The following CAMK1G variants were observed in gnomAD, a reference collection of about 807,000 sequenced individuals.
The protein encoded by CAMK1G is calcium/calmodulin-dependent protein kinase type 1G.
Under a neutral mutation model 54.8 loss-of-function variants are expected in CAMK1G, and 27 were observed. That is an observed-to-expected ratio of 0.49 (90% CI 0.36 to 0.68). The LOEUF (loss-of-function observed/expected upper bound fraction) is 0.68. Ranked by LOEUF, CAMK1G falls within the 30% of genes least tolerant of loss-of-function variation. The pLI, the probability that CAMK1G is intolerant of heterozygous loss-of-function variation, is 0.00. For synonymous variants in CAMK1G, 238 were observed against 224.9 expected, an observed-to-expected ratio of 1.06 and a Z score of -0.52; for missense variants, 512 against 591.0, an observed-to-expected ratio of 0.87 and a Z score of 1.39.
chr1:209,591,902 C>A (rs1439556761), intron 1 of CAMK1G, among the ~76,000 whole-genome samples: 1 of 152,190 alleles, frequency 6.6e-6, no homozygotes, highest in Non-Finnish European at 1.5e-5. Context: ...TCACCAACCC[C>A]AGCCAGCTGG....
chr1:209,598,659 T>C (rs964407713), intron 2 of CAMK1G, among the ~76,000 whole-genome samples: 4 of 152,352 alleles, frequency 2.6e-5, no homozygotes, highest in Admixed American at 6.5e-5. Flanking sequence ...GCATGTCAGA[T>C]ACAACTGCCA....
At position 209,599,970 on chromosome 1, in the gene CAMK1G, G is replaced by A. The variant is rs533569693; in HGVS notation, c.93-13G>A. The A allele has an allele frequency of 7.4e-6, 12 of 1,612,262 alleles. No homozygotes were observed. The highest frequency in any genetic ancestry group is 6.6e-5 in the South Asian group (6 of 90,994). On this transcript the variant is annotated splice_polypyrimidine_tract_variant and intron_variant, in intron 2 of 12. Transcript: ENST00000361322. Reference sequence around the variant, plus strand: ...CCCCTACTAAGTTTTATCTTTTGGTGTCTTCTCCTCAGAGGAGCTTTCTCA... The same window carrying A: ...CCCCTACTAAGTTTTATCTTTTGGTATCTTCTCCTCAGAGGAGCTTTCTCA...
Position 209,600,120 on chromosome 1 carries a change from G to T in CAMK1G, c.221+9G>T. On this transcript the variant is annotated intron_variant, in intron 3 of 12. Transcript: ENST00000361322. ...ATTGCTGTGTTGAAAAAGTGAGTGG[G>T]TCTTAGTGTTGACTGGATCACTATG... 1.2e-6 allele frequency: 2 copies of T among 1,612,518 alleles called. No homozygotes were observed. Among genetic ancestry groups the T allele is most frequent in the Non-Finnish European group, 8.5e-7 (1 of 1,179,478 alleles).
rs372169686 is a variant in CAMK1G at position 209,612,011 on chromosome 1, C to T, written c.1135C>T (p.Arg379Cys). The change falls in exon 11 of 13, where the codon CGC becomes TGC. Residue 379 changes from arginine (R) to cysteine (C), a missense_variant. Physicochemically the swap from Arg to Cys is radical, Grantham distance 180. Coordinates refer to ENST00000361322, the MANE Select transcript of CAMK1G (RefSeq NM_020439.3). ...GACCCAATTACCCTGCCAGCATGGC[C>T]GCCGGCCCACTGCCCCTGGTGGCAG... ...ALTQLPCQHG[R>C]RPTAPGGRSL... 24 of 1,614,134 alleles carry T rather than the reference C, an allele frequency of 1.5e-5. No homozygotes were observed. The highest frequency in any genetic ancestry group is 8.0e-5 in the African/African-American group (6 of 74,952).
At chr1:209,585,339 G>A (rs1010911031) in intron 1 of CAMK1G, among the ~76,000 whole-genome samples, 2 of 152,182 alleles carry the variant, frequency 1.3e-5, no homozygotes, top group African/African-American at 2.4e-5. Flanking sequence ...TGTTCCCAGG[G>A]TAATCAGTCA....
intron 1 of CAMK1G, among the ~76,000 whole-genome samples, chr1:209,585,222 C>T (rs930299709): frequency 6.6e-6 from 1 of 152,194 alleles, no homozygotes; most frequent in Non-Finnish European, 1.5e-5. Context: ...ATGGTTTGAG[C>T]TGGAACCATG....
chr1:209,588,514 T>C (rs1264992379), intron 1 of CAMK1G, among the ~76,000 whole-genome samples: 1 of 152,168 alleles, frequency 6.6e-6, no homozygotes, highest in Non-Finnish European at 1.5e-5. Context: ...GCTGATACGT[T>C]TAATAAGCAC....
At position 209,607,850 on chromosome 1, in the gene CAMK1G, T is replaced by C. The variant is rs200720768; in HGVS notation, c.560-8T>C. On this transcript the variant is annotated splice_polypyrimidine_tract_variant and splice_region_variant and intron_variant, in intron 6 of 12. Coordinates refer to ENST00000361322, the MANE Select transcript of CAMK1G (RefSeq NM_020439.3). The stretch of plus-strand genomic sequence containing the variant: ...ACCAGCCCTGACTCTGCCCTTGGTC[T>C]GCTGCAGCTCCAGAAGTGCTGGCCC... 6.2e-6 allele frequency: 10 copies of C among 1,611,506 alleles called. No individual in the cohort carries two copies. The highest frequency in any genetic ancestry group is 8.5e-6 in the Non-Finnish European group (10 of 1,178,806).
intron 2 of CAMK1G, among the ~76,000 whole-genome samples, chr1:209,597,254 G>T (rs1283436748): frequency 6.6e-6 from 1 of 152,194 alleles, no homozygotes; most frequent in African/African-American, 2.4e-5. Flanking sequence ...TGGCTTCAAG[G>T]TGAATGGCAC....
intron 1 of CAMK1G, among the ~76,000 whole-genome samples, chr1:209,590,842 G>A (rs766527916): frequency 5.9e-5 from 9 of 152,082 alleles, no homozygotes; most frequent in East Asian, 1.9e-4. Flanking sequence ...CAGTGTATCC[G>A]CACAGCAAGA....
chr1:209,611,500 A>G lies in CAMK1G; in HGVS notation c.863A>G (p.Tyr288Cys). 1 of 1,614,158 alleles carries G rather than the reference A, an allele frequency of 6.2e-7. No homozygotes were observed. Among genetic ancestry groups the G allele is most frequent in the Non-Finnish European group, 8.5e-7 (1 of 1,180,024 alleles). Residue 288 changes from tyrosine (Y) to cysteine (C), a missense_variant, in exon 10 of 13, where the codon TAC becomes TGC. Around this residue, in one of 3 missense-constraint regions of CAMK1G, gnomAD observed 315 missense variants for 330.5 expected, o/e 0.95. Coordinates refer to ENST00000361322, the MANE Select transcript of CAMK1G (RefSeq NM_020439.3). The stretch of plus-strand genomic sequence containing the variant: ...AACACAGCCCTCCACCGGGACATCT[A>G]CCCATCAGTCAGCCTCCAGATCCAG... ...DGNTALHRDIYPSVSLQIQKN... is the reference protein window; with the variant it reads ...DGNTALHRDICPSVSLQIQKN...
Position 209,611,490 on chromosome 1 carries a change from C to T in CAMK1G, c.853C>T (p.Arg285Trp), listed in dbSNP as rs369181812. 91 of 1,614,020 alleles carry T rather than the reference C, an allele frequency of 5.6e-5. No homozygotes were observed. Among genetic ancestry groups the T allele is most frequent in the Admixed American group, 1.8e-4 (11 of 60,004 alleles). ...GATTGACGGAAACACAGCCCTCCAC[C>T]GGGACATCTACCCATCAGTCAGCCT... ...PWIDGNTALH[R>W]DIYPSVSLQI... The change falls in exon 10 of 13, where the codon CGG becomes TGG. Residue 285 changes from arginine (R) to tryptophan (W), a missense_variant. Coordinates refer to ENST00000361322, the MANE Select transcript of CAMK1G (RefSeq NM_020439.3).
intron 2 of CAMK1G, among the ~76,000 whole-genome samples, chr1:209,595,532 G>A (rs919457209): frequency 4.4e-5 from 6 of 137,126 alleles, no homozygotes; most frequent in Admixed American, 1.5e-4. Context: ...GATCTGTGCC[G>A]GTTTGTGGGT....
rs765147315 is a variant in CAMK1G at position 209,609,096 on chromosome 1, A to G, written c.748+4A>G. The stretch of plus-strand genomic sequence containing the variant: ...TGGGATGACATTTCTGAGTCAGGTA[A>G]GGCCAGTAGGCATGAAGGAGAGATA... On this transcript the variant is annotated splice_donor_region_variant and intron_variant, in intron 8 of 12. Transcript: ENST00000361322. 2 of 1,614,156 alleles carry G rather than the reference A, an allele frequency of 1.2e-6. No individual in the cohort carries two copies. Among genetic ancestry groups the G allele is most frequent in the Non-Finnish European group, 8.5e-7 (1 of 1,179,996 alleles).
intron 6 of CAMK1G, among the ~76,000 whole-genome samples, 192 bp downstream of exon 6, chr1:209,606,635 T>C (rs1432664001): frequency 6.6e-6 from 1 of 152,228 alleles, no homozygotes; most frequent in African/African-American, 2.4e-5. Context: ...TCCCAAATTC[T>C]ACATTTTTAA....
intron 1 of CAMK1G, among the ~76,000 whole-genome samples, chr1:209,589,619 G>A (rs899469554): frequency 1.3e-5 from 2 of 152,184 alleles, no homozygotes; most frequent in African/African-American, 4.8e-5. Flanking sequence ...GCAACCATGG[G>A]CTGGACCTTT....
rs563094009 is a variant in CAMK1G at position 209,600,032 on chromosome 1, C to T, written c.142C>T (p.Leu48Phe). ...GGTGAAGCAAAGACTGACTGGGAAG[C>T]TCTTTGCTCTGAAGTGCATCAAGAA... ...FLVKQRLTGK[L>F]FALKCIKKSP... Residue 48 changes from leucine (L) to phenylalanine (F), a missense_variant, in exon 3 of 13, where the codon CTC becomes TTC. Leu to Phe is a conservative substitution (Grantham distance 22). Transcript: ENST00000361322. 45 of 1,613,952 alleles carry T rather than the reference C, an allele frequency of 2.8e-5. 1 individual carries two copies. The South Asian group carries it at 3.7e-4, about 13-fold the overall frequency.
rs1220207550 is a variant in CAMK1G at position 209,609,132 on chromosome 1, G to GGTAGCAA, written c.748+44_748+45insCAAGTAG. On this transcript the variant is annotated intron_variant, in intron 8 of 12. Transcript: ENST00000361322. The stretch of plus-strand genomic sequence containing the variant: ...CATGAAGGAGAGATAACAGGCTCAA[G>GGTAGCAA]GTAGAGGCTGCCAAGAGAAATGAGC... 5 of 1,612,792 alleles carry GGTAGCAA rather than the reference G, an allele frequency of 3.1e-6. No individual in the cohort carries two copies. In the African/African-American group the frequency reaches 6.7e-5, roughly 22 times the overall value.
At chr1:209,585,135 G>A (rs1248282538) in intron 1 of CAMK1G, among the ~76,000 whole-genome samples, 3 of 152,206 alleles carry the variant, frequency 2.0e-5, no homozygotes, top group Non-Finnish European at 4.4e-5. Flanking sequence ...TCTGGTGTGT[G>A]TGTGTGTGTG....
Sources: gnomAD v4.1 joint callset for allele counts (sites outside exome capture counted in the v4.1 genomes callset) on GRCh38, gnomAD v4.1.1 for gene constraint, gnomAD v4.1.1 regional missense constraint, MANE v1.5 for transcripts, NCBI Gene and HGNC (gene_info 2026-07-23, HGNC 2026-07-21) for gene names.